Variants in KCNMB2 observed in about 807,000 individuals in gnomAD.
KCNMB2 encodes the protein potassium calcium-activated channel subfamily M regulatory beta subunit 2, also known as calcium-activated potassium channel subunit beta-2.
In KCNMB2, 9 loss-of-function variants were observed where a neutral mutation model predicts 24.5. The ratio of observed to expected loss-of-function variants is 0.37; its 90% CI spans 0.22 to 0.64. The LOEUF (loss-of-function observed/expected upper bound fraction) is 0.64. Among genes scored for constraint, KCNMB2 ranks in the 30% least tolerant of loss-of-function variants. The pLI is 0.63. For synonymous variants in KCNMB2, 109 were observed against 104.4 expected (o/e 1.04, Z -0.27); for missense variants, 226 against 284.3 (o/e 0.79, Z 1.47).
intron 2 of KCNMB2, among the ~76,000 whole-genome samples, chr3:178,815,922 A>T (rs9837702): frequency 0.26 from 40,071 of 151,664 alleles, 7,119 homozygotes; most frequent in African/African-American, 0.51. Context: ...TTGCTAGTTT[A>T]TCTTGTTTTT....
intron 1 of KCNMB2, among the ~76,000 whole-genome samples, chr3:178,580,936 T>C (rs931174209): frequency 9.2e-5 from 14 of 152,140 alleles, no homozygotes; most frequent in Admixed American, 3.3e-4. Context: ...AAAATGGCCA[T>C]AATGCCCAAA....
intron 1 of KCNMB2, among the ~76,000 whole-genome samples, chr3:178,539,763 T>C (rs1463211437): frequency 6.6e-6 from 1 of 151,936 alleles, no homozygotes; most frequent in African/African-American, 2.4e-5. Context: ...TGAGTGTGCA[T>C]GTGTGCGTGT....
At chr3:178,815,281 G>C (rs1449134587) in intron 2 of KCNMB2, among the ~76,000 whole-genome samples, 1 of 151,840 alleles carries the variant, frequency 6.6e-6, no homozygotes, top group Non-Finnish European at 1.5e-5. Flanking sequence ...TGAAACTACG[G>C]GCATGCACCA....
chr3:178,803,812 T>C (rs1449019990), intron 1 of KCNMB2, among the ~76,000 whole-genome samples: 1 of 152,084 alleles, frequency 6.6e-6, no homozygotes, highest in Non-Finnish European at 1.5e-5. Flanking sequence ...GCAGAAGGAA[T>C]GGCCGAACTG....
chr3:178,563,286 G>T (rs559964475), intron 1 of KCNMB2, among the ~76,000 whole-genome samples: 32 of 152,368 alleles, frequency 2.1e-4, no homozygotes, highest in African/African-American at 7.2e-4. Context: ...AGCACCTAAA[G>T]TAGTATCTGC....
intron 4 of KCNMB2, among the ~76,000 whole-genome samples, chr3:178,834,591 C>A (rs1030300205): frequency 2.2e-4 from 34 of 151,978 alleles, no homozygotes; most frequent in African/African-American, 8.2e-4. Context: ...ATATTCAGCA[C>A]CAGTTTATGT....
rs891170636 is a variant in KCNMB2 at position 178,756,115 on chromosome 3, T to C, written c.-67-51228T>C. Among the ~76,000 whole-genome samples, 5 of 152,148 alleles carry C rather than the reference T, an allele frequency of 3.3e-5. No individual in the cohort carries two copies. In the South Asian group the frequency reaches 1.0e-3, roughly 32 times the overall value. On this transcript the variant is annotated intron_variant, in intron 1 of 4. Coordinates refer to ENST00000452583, the MANE Select transcript of KCNMB2 (RefSeq NM_181361.3). ...TGGAAAGATGATCATAATGAAATGT[T>C]AAAATAGAAAAAAAGCAAATTATAA...
chr3:178,816,734 T>C (rs1184896182), intron 2 of KCNMB2, among the ~76,000 whole-genome samples: 1 of 152,174 alleles, frequency 6.6e-6, no homozygotes, highest in Non-Finnish European at 1.5e-5. Flanking sequence ...CTATGACCCA[T>C]GAGTTCTTTG....
At chr3:178,556,497 C>T (rs892010377) in intron 1 of KCNMB2, among the ~76,000 whole-genome samples, 3 of 152,090 alleles carry the variant, frequency 2.0e-5, no homozygotes, top group Non-Finnish European at 2.9e-5. Context: ...CTCCGCCTTC[C>T]GGTTTCAAGC....
intron 1 of KCNMB2, among the ~76,000 whole-genome samples, chr3:178,640,059 GA>G (rs912291030): frequency 9.1e-4 from 70 of 76,504 alleles, no homozygotes; most frequent in East Asian, 3.7e-3. Context: ...CCTTGTCCTA[GA>G]AAAAAAAAAT....
At chr3:178,537,877 A>G (rs1345806746) in intron 1 of KCNMB2, among the ~76,000 whole-genome samples, 1 of 152,232 alleles carries the variant, frequency 6.6e-6, no homozygotes. Flanking sequence ...TAGATTGGTT[A>G]TAACGAATGG....
chr3:178,593,179 T>TTTAGAGCAATTATTTAGAG (rs1228993381), intron 1 of KCNMB2, among the ~76,000 whole-genome samples: 1 of 152,168 alleles, frequency 6.6e-6, no homozygotes, highest in African/African-American at 2.4e-5. Flanking sequence ...AGAGCTATTA[T>TTTAGAGCAATTATTTAGAG]CAATTATATG....
intron 2 of KCNMB2, 44 bp from the exon 3 acceptor site, chr3:178,825,544 G>A (rs1300558336): frequency 1.9e-6 from 3 of 1,544,604 alleles, no homozygotes; most frequent in African/African-American, 1.4e-5. Flanking sequence ...GGGGCATGCT[G>A]ATTAACTAAA....
rs1669961724 is a variant in KCNMB2 at position 178,630,979 on chromosome 3, A to T, written c.-68+94268A>T. Among the ~76,000 whole-genome samples the T allele has an allele frequency of 1.3e-5, 2 of 152,222 alleles. 1 individual carries two copies. The highest frequency in any genetic ancestry group is 4.1e-4 in the South Asian group (2 of 4,830). ...ATTTATGTGAAGCACCTTATTTTTC[A>T]GTAGTTTCGAATATGTTAGGCATTA... On this transcript the variant is annotated intron_variant, in intron 1 of 4. Transcript: ENST00000452583.
At chr3:178,640,800 C>CT (rs1719696752) in intron 1 of KCNMB2, among the ~76,000 whole-genome samples, 2 of 152,072 alleles carry the variant, frequency 1.3e-5, no homozygotes, top group African/African-American at 4.8e-5. Flanking sequence ...GCCTCCTATG[C>CT]TTATTCTAGA....
At chr3:178,837,539 G>C (rs1477224426) in intron 4 of KCNMB2, among the ~76,000 whole-genome samples, 1 of 152,130 alleles carries the variant, frequency 6.6e-6, no homozygotes, top group African/African-American at 2.4e-5. Context: ...TCATTTTCAG[G>C]GACAGTTAAT....
chr3:178,663,215 G>C (rs1347150421), intron 1 of KCNMB2, among the ~76,000 whole-genome samples: 2 of 152,060 alleles, frequency 1.3e-5, no homozygotes, highest in East Asian at 3.9e-4. Context: ...CACTCTTTAA[G>C]CCTCTGCTTG....
rs553746837 is a variant in KCNMB2, at chr3:178,618,446, T to G, written c.-68+81735T>G. ...CTAATCCTTCTCTGTCTTCACCCTA[T>G]TTCAACAGAAAGAAAGACCAGATAC... On this transcript the variant is annotated intron_variant, in intron 1 of 4. Coordinates refer to ENST00000452583, the MANE Select transcript of KCNMB2 (RefSeq NM_181361.3). Among the ~76,000 whole-genome samples, 57 of 152,306 alleles carry G rather than the reference T, an allele frequency of 3.7e-4. No individual in the cohort carries two copies. In the South Asian group the frequency reaches 0.012, roughly 32 times the overall value.
At chr3:178,828,453 C>A in intron 4 of KCNMB2, 80 bp downstream of exon 4, 1 of 1,079,856 alleles carries the variant, frequency 9.3e-7, no homozygotes, top group South Asian at 1.7e-5. Flanking sequence ...TCCCCTTTGC[C>A]AGCATTTCAA....
Sources: gnomAD v4.1 joint callset for allele counts (sites outside exome capture counted in the v4.1 genomes callset) on GRCh38, gnomAD v4.1.1 for gene constraint, MANE v1.5 for transcripts, NCBI Gene and HGNC (gene_info 2026-07-23, HGNC 2026-07-21) for gene names.